The following QRFPR variants were observed in gnomAD, a reference collection of about 807,000 sequenced individuals.
QRFPR encodes the protein pyroglutamylated RF-amide peptide receptor.
In QRFPR, 37 loss-of-function variants were observed where a neutral mutation model predicts 31.3. That is an observed-to-expected ratio of 1.18 (90% CI 0.91 to 1.56). The LOEUF (loss-of-function observed/expected upper bound fraction) is 1.56. Ranked by LOEUF, QRFPR falls within the 40% of genes most tolerant of loss-of-function variation. QRFPR has a pLI of 0.00. For synonymous variants in QRFPR, 197 were observed against 192.0 expected (o/e 1.03, Z -0.22); for missense variants, 542 against 532.5 (o/e 1.02, Z -0.18).
At position 121,363,266 on chromosome 4, in the gene QRFPR, C is replaced by T. The variant is rs572991830; in HGVS notation, c.340+17042G>A. 9.3e-5 allele frequency among the ~76,000 whole-genome samples: 14 copies of T among 150,242 alleles called. No homozygotes were observed. In the South Asian group the frequency reaches 2.5e-3, roughly 27 times the overall value. ...ACTTGAACCTGGGAGATGGAGGTTGCAGTGAGCAGAGGTCGCGCCATTGCA... is the reference window on the plus strand; with the variant it reads ...ACTTGAACCTGGGAGATGGAGGTTGTAGTGAGCAGAGGTCGCGCCATTGCA... On this transcript the variant is annotated intron_variant, in intron 1 of 5. Coordinates refer to ENST00000394427, the MANE Select transcript of QRFPR (RefSeq NM_198179.3).
At chr4:121,373,283 CT>C (rs1182994777) in intron 1 of QRFPR, among the ~76,000 whole-genome samples, 1 of 152,158 alleles carries the variant, frequency 6.6e-6, no homozygotes, top group Non-Finnish European at 1.5e-5. Flanking sequence ...TAGAGAGAAT[CT>C]TTTACATAAA....
rs1314656852 is a variant in QRFPR at position 121,332,790 on chromosome 4, T to C, written c.797+31A>G. 5 of 1,515,130 alleles carry C rather than the reference T, an allele frequency of 3.3e-6. No homozygotes were observed. The African/African-American group carries it at 6.9e-5, about 21-fold the overall frequency. The allele number at this position is 1,515,130 out of a possible 1,614,324, so 93.9% of individuals were successfully genotyped here. Reference sequence around the variant, plus strand: ...TTCCAGCACAATTAATTAAAAATAATTTAAAGAGGTGAATATTTCATTAAA... The same window carrying C: ...TTCCAGCACAATTAATTAAAAATAACTTAAAGAGGTGAATATTTCATTAAA... On this transcript the variant is annotated intron_variant, in intron 4 of 5. Transcript: ENST00000394427.
At chr4:121,329,741 T>C (rs1454698796) in intron 5 of QRFPR, 27 bp from the exon 6 acceptor site, 1 of 1,398,040 alleles carries the variant, frequency 7.2e-7, no homozygotes, top group East Asian at 2.4e-5. Flanking sequence ...TTTTAGAATG[T>C]ACGTTTATTT....
chr4:121,357,294 T>A (rs1158657765), intron 1 of QRFPR, among the ~76,000 whole-genome samples: 2 of 152,014 alleles, frequency 1.3e-5, no homozygotes, highest in East Asian at 3.9e-4. Context: ...ATATTATTAA[T>A]TAAATGCCAT....
At chr4:121,341,136 G>T (rs1052162554) in intron 1 of QRFPR, among the ~76,000 whole-genome samples, 1 of 152,158 alleles carries the variant, frequency 6.6e-6, no homozygotes, top group African/African-American at 2.4e-5. Flanking sequence ...CTAATGCAAC[G>T]GTCTCAAAGT....
intron 1 of QRFPR, among the ~76,000 whole-genome samples, chr4:121,357,926 A>G (rs924277083): frequency 6.6e-6 from 1 of 152,078 alleles, no homozygotes; most frequent in Non-Finnish European, 1.5e-5. Flanking sequence ...TTTCATTCAC[A>G]TATTTGTTCA....
chr4:121,369,235 G>A (rs1726185991), intron 1 of QRFPR, among the ~76,000 whole-genome samples: 1 of 152,140 alleles, frequency 6.6e-6, no homozygotes, highest in South Asian at 2.1e-4. Context: ...CATTGTGTTG[G>A]CCAGGCTGGT....
At position 121,329,447 on chromosome 4, in the gene QRFPR, C is replaced by T. The variant is rs760191333; in HGVS notation, c.1163G>A (p.Gly388Glu). ...AATGTTGCCATCACTGAATGCTTCT[C>T]CTTTGGTTTCCTCCACTGGATTCTC... ...LRENPVEETK[G>E]EAFSDGNIEV... The change falls in exon 6 of 6, where the codon GGA (glycine) becomes GAA (glutamate). Residue 388 changes from glycine to glutamate, a missense_variant. Transcript: ENST00000394427. 2 of 1,614,152 alleles carry T rather than the reference C, an allele frequency of 1.2e-6. No individual in the cohort carries two copies. The highest frequency in any genetic ancestry group is 1.7e-5 in the Admixed American group (1 of 60,024).
At chr4:121,352,051 C>T (rs1725770689) in intron 1 of QRFPR, among the ~76,000 whole-genome samples, 1 of 152,128 alleles carries the variant, frequency 6.6e-6, no homozygotes, top group African/African-American at 2.4e-5. Flanking sequence ...AACTTAAATA[C>T]ACTAAATTTA....
At chr4:121,365,122 GA>G (rs1199891546) in intron 1 of QRFPR, among the ~76,000 whole-genome samples, 1 of 149,272 alleles carries the variant, frequency 6.7e-6, no homozygotes, top group Non-Finnish European at 1.5e-5. Flanking sequence ...TAAGTAAGTT[GA>G]ATCTTTTTTC....
chr4:121,333,760 G>C (rs1298748553), intron 3 of QRFPR, among the ~76,000 whole-genome samples: 1 of 152,126 alleles, frequency 6.6e-6, no homozygotes, highest in Admixed American at 6.5e-5. Context: ...TTAAGGGCTA[G>C]TTCAAGAACA....
At chr4:121,363,750 T>C (rs1311407100) in intron 1 of QRFPR, among the ~76,000 whole-genome samples, 1 of 150,120 alleles carries the variant, frequency 6.7e-6, no homozygotes, top group African/African-American at 2.5e-5. Context: ...TGTATGAGTT[T>C]TCCTAGCTTC....
rs1243095975 is a variant in QRFPR, at chr4:121,340,451, C to A, written c.499+1G>T. 6.2e-7 allele frequency: 1 copy of A among 1,613,962 alleles called. No homozygotes were observed. Among genetic ancestry groups the A allele is most frequent in the Non-Finnish European group, 8.5e-7 (1 of 1,179,890 alleles). On this transcript the variant is annotated splice_donor_variant, in intron 2 of 5. Coordinates refer to ENST00000394427, the MANE Select transcript of QRFPR (RefSeq NM_198179.3). LOFTEE classifies it high-confidence loss of function. ...GCCATTGGCACATCCAGTGGCCTCA[C>A]CTAGCATTGTGAAAGCCCTTCGGTT...
intron 1 of QRFPR, among the ~76,000 whole-genome samples, chr4:121,372,523 T>C (rs543657320): frequency 2.4e-4 from 37 of 152,290 alleles, no homozygotes; most frequent in Admixed American, 9.8e-4. Context: ...CACTATCTGT[T>C]TCAAAAACTT....
chr4:121,365,543 TATATATA>T (rs1553947881), intron 1 of QRFPR, among the ~76,000 whole-genome samples: 1 of 3,454 alleles, frequency 2.9e-4, no homozygotes, highest in Non-Finnish European at 4.3e-4. Context: ...TAATATATAT[TATATATA>T]ATATATAATA....
In QRFPR at chr4:121,380,680, C is replaced by A; in HGVS notation, c.-33G>T. 6.8e-7 allele frequency: 1 copy of A among 1,469,188 alleles called. No individual in the cohort carries two copies. The highest frequency in any genetic ancestry group is 9.0e-7 in the Non-Finnish European group (1 of 1,105,276). The allele number at this position is 1,469,188 out of a possible 1,614,324, so 91.0% of individuals were successfully genotyped here. A position where few individuals can be genotyped will look rare whatever the true frequency, so the allele number is the denominator to read the frequency against. ...CGCTCCCGGGACGCGGGGCCACCGC[C>A]CGCTACTGGCTGGCCATCCGCATCT... On this transcript the variant is annotated 5_prime_UTR_variant, in exon 1 of 6. Transcript: ENST00000394427.
At chr4:121,378,008 G>A (rs1364274823) in intron 1 of QRFPR, among the ~76,000 whole-genome samples, 2 of 151,470 alleles carry the variant, frequency 1.3e-5, no homozygotes, top group Non-Finnish European at 2.9e-5. Context: ...CCTCTCCCTC[G>A]CACTTCAATT....
intron 1 of QRFPR, among the ~76,000 whole-genome samples, chr4:121,341,747 A>C (rs1725546896): frequency 6.6e-6 from 1 of 152,170 alleles, no homozygotes; most frequent in Non-Finnish European, 1.5e-5. Flanking sequence ...TGTCTGTACA[A>C]ATATTCCAAC....
At chr4:121,341,541 G>C (rs1725542908) in intron 1 of QRFPR, among the ~76,000 whole-genome samples, 1 of 152,144 alleles carries the variant, frequency 6.6e-6, no homozygotes, top group African/African-American at 2.4e-5. Flanking sequence ...AAAACCCAAA[G>C]CTTTTTTGAG....
Sources: allele counts gnomAD v4.1 joint callset (sites outside exome capture counted in the v4.1 genomes callset), GRCh38; gene constraint gnomAD v4.1.1; transcripts MANE v1.5; gene names NCBI Gene and HGNC (gene_info 2026-07-23, HGNC 2026-07-21).